The following NKAIN3 variants were observed in gnomAD, a reference collection of about 807,000 sequenced individuals.
The protein encoded by NKAIN3 is sodium/potassium transporting ATPase interacting 3.
Under a neutral mutation model 30.2 loss-of-function variants are expected in NKAIN3, and 25 were observed. The ratio of observed to expected loss-of-function variants is 0.83; its 90% CI spans 0.60 to 1.16. NKAIN3 has a LOEUF of 1.16. NKAIN3 is among the 50% of genes most tolerant of loss of function. The pLI, the probability that NKAIN3 is intolerant of heterozygous loss-of-function variation, is 0.00. For synonymous variants in NKAIN3, 91 were observed against 89.6 expected (o/e 1.02, Z -0.09); for missense variants, 225 against 254.1 (o/e 0.89, Z 0.78).
intron 4 of NKAIN3, among the ~76,000 whole-genome samples, chr8:62,886,928 G>A (rs190908271): frequency 7.4e-6 from 1 of 134,896 alleles, no homozygotes; most frequent in Non-Finnish European, 1.6e-5. Context: ...TTGGTTTTCT[G>A]TTCTGTGTTA....
intron 4 of NKAIN3, among the ~76,000 whole-genome samples, chr8:62,870,948 T>TA (rs1338952383): frequency 4.3e-4 from 66 of 151,950 alleles, no homozygotes; most frequent in Non-Finnish European, 4.4e-5. Flanking sequence ...TTCTCTTCTT[T>TA]AGCACAACAA....
intron 1 of NKAIN3, among the ~76,000 whole-genome samples, chr8:62,332,609 G>T (rs1022535742): frequency 6.6e-6 from 1 of 152,066 alleles, no homozygotes; most frequent in African/African-American, 2.4e-5. Context: ...AGAAGGTTAG[G>T]TTGCTTAACT....
chr8:62,281,294 T>C (rs182795073), intron 1 of NKAIN3, among the ~76,000 whole-genome samples: 3 of 152,294 alleles, frequency 2.0e-5, no homozygotes, highest in East Asian at 3.9e-4. Flanking sequence ...GCTAGCAGTC[T>C]ATCAATTTTG....
chr8:62,440,853 G>A (rs899956476), intron 1 of NKAIN3, among the ~76,000 whole-genome samples: 2 of 152,170 alleles, frequency 1.3e-5, no homozygotes, highest in African/African-American at 4.8e-5. Flanking sequence ...AGTTTATTCA[G>A]TGCAGGGTGA....
intron 4 of NKAIN3, among the ~76,000 whole-genome samples, chr8:62,783,322 C>A (rs1817416500): frequency 1.3e-5 from 2 of 152,104 alleles, no homozygotes; most frequent in East Asian, 3.9e-4. Context: ...CATGTGAAGT[C>A]ACTGCAAGAA....
chr8:62,859,682 T>G (rs1820183336), intron 4 of NKAIN3, among the ~76,000 whole-genome samples: 1 of 151,954 alleles, frequency 6.6e-6, no homozygotes, highest in Non-Finnish European at 1.5e-5. Context: ...TATATTTCCC[T>G]ATATTCTTTA....
In NKAIN3 at chr8:62,840,030, T is replaced by C. The variant is rs139945596; in HGVS notation, c.472-78423T>C. 5.0e-3 allele frequency among the ~76,000 whole-genome samples: 754 copies of C among 152,284 alleles called. 6 individuals carry two copies. The highest frequency in any genetic ancestry group is 0.018 in the African/African-American group (728 of 41,582). On this transcript the variant is annotated intron_variant, in intron 4 of 6. Transcript: ENST00000623646. ...TAGAAGTAAATTTTCTTTTCATGCTTATGTATTCATATCCACATACATCCC... is the reference window on the plus strand; with the variant it reads ...TAGAAGTAAATTTTCTTTTCATGCTCATGTATTCATATCCACATACATCCC...
Position 62,447,315 on chromosome 8 carries a change from A to G in NKAIN3, c.55-132224A>G, listed in dbSNP as rs991462739. Among the ~76,000 whole-genome samples, 4 of 152,026 alleles carry G rather than the reference A, an allele frequency of 2.6e-5. No individual in the cohort carries two copies. The South Asian group carries it at 8.3e-4, about 31-fold the overall frequency. Reference sequence around the variant, plus strand: ...TTAATTTCACTGGAAATTGTGGTCAAATTTTCAGATTAGGAAGTGTATTAG... The same window carrying G: ...TTAATTTCACTGGAAATTGTGGTCAGATTTTCAGATTAGGAAGTGTATTAG... On this transcript the variant is annotated intron_variant, in intron 1 of 6. Transcript: ENST00000623646.
chr8:62,336,003 G>A (rs989409539), intron 1 of NKAIN3, among the ~76,000 whole-genome samples: 1 of 152,002 alleles, frequency 6.6e-6, no homozygotes, highest in African/African-American at 2.4e-5. Flanking sequence ...ATTTCTATAA[G>A]TCCAATTAGG....
intron 1 of NKAIN3, among the ~76,000 whole-genome samples, chr8:62,450,724 G>A (rs1805614702): frequency 6.6e-6 from 1 of 151,980 alleles, no homozygotes; most frequent in South Asian, 2.1e-4. Context: ...TCTCTGTTGT[G>A]TAGTCTGAGA....
Position 62,503,025 on chromosome 8 carries a change from C to T in NKAIN3, c.55-76514C>T, listed in dbSNP as rs182189487. Among the ~76,000 whole-genome samples the T allele has an allele frequency of 2.3e-3, 347 of 152,314 alleles. 2 individuals carry two copies. Among genetic ancestry groups the T allele is most frequent in the African/African-American group, 8.1e-3 (337 of 41,568 alleles). ...ACGTGTTGGGAACCTGGCTGCACAG[C>T]AGGAGGTGAGTGGTGGGCTAGCATT... On this transcript the variant is annotated intron_variant, in intron 1 of 6. Coordinates refer to ENST00000623646, the MANE Select transcript of NKAIN3 (RefSeq NM_001304533.3).
At chr8:62,843,237 C>A (rs1158660506) in intron 4 of NKAIN3, among the ~76,000 whole-genome samples, 1 of 151,834 alleles carries the variant, frequency 6.6e-6, no homozygotes, top group African/African-American at 2.4e-5. Context: ...CTGGAAAAGG[C>A]AAGGAAATGG....
At chr8:62,830,829 C>T (rs1819174694) in intron 4 of NKAIN3, among the ~76,000 whole-genome samples, 1 of 152,190 alleles carries the variant, frequency 6.6e-6, no homozygotes, top group African/African-American at 2.4e-5. Flanking sequence ...AGACACACGT[C>T]TCAGTGCTTA....
chr8:62,394,596 A>C (rs1319498666), intron 1 of NKAIN3, among the ~76,000 whole-genome samples: 1 of 152,218 alleles, frequency 6.6e-6, no homozygotes, highest in Non-Finnish European at 1.5e-5. Flanking sequence ...GTGGCCAGTC[A>C]AAGGCGCTCC....
At chr8:62,991,389 G>A (rs188339259) in intron 5 of NKAIN3, among the ~76,000 whole-genome samples, 283 of 152,290 alleles carry the variant, frequency 1.9e-3, no homozygotes, top group Non-Finnish European at 3.1e-3. Context: ...TGTTGGCAAA[G>A]AAAAAGGACA....
At chr8:62,850,817 C>G (rs1401671289) in intron 4 of NKAIN3, among the ~76,000 whole-genome samples, 1 of 152,062 alleles carries the variant, frequency 6.6e-6, no homozygotes, top group Non-Finnish European at 1.5e-5. Flanking sequence ...TGGTCTATAT[C>G]TCTGTTTTGG....
At chr8:62,596,011 C>T (rs1015882551) in intron 3 of NKAIN3, among the ~76,000 whole-genome samples, 3 of 152,004 alleles carry the variant, frequency 2.0e-5, no homozygotes, top group African/African-American at 7.2e-5. Context: ...ACTTGTTTGG[C>T]ACACTTTACA....
At chr8:62,788,026 A>G (rs1415086116) in intron 4 of NKAIN3, among the ~76,000 whole-genome samples, 3 of 32,542 alleles carry the variant, frequency 9.2e-5, no homozygotes, top group Non-Finnish European at 2.1e-4. Flanking sequence ...ATGATTTATA[A>G]TCCTTTGGGT....
chr8:62,831,302 G>A (rs1819190726), intron 4 of NKAIN3, among the ~76,000 whole-genome samples: 1 of 152,102 alleles, frequency 6.6e-6, no homozygotes, highest in African/African-American at 2.4e-5. Context: ...GACGGAACCA[G>A]CACAAGAATT....
Sources: allele counts gnomAD v4.1 joint callset (sites outside exome capture counted in the v4.1 genomes callset), GRCh38; gene constraint gnomAD v4.1.1; transcripts MANE v1.5; gene names NCBI Gene and HGNC (gene_info 2026-07-23, HGNC 2026-07-21).